The following AP2B1 variants were observed in gnomAD, a reference collection of about 807,000 sequenced individuals.
AP2B1 encodes the protein AP-2 complex subunit beta.
In AP2B1, 23 loss-of-function variants were observed where a neutral mutation model predicts 102.0. That is an observed-to-expected ratio of 0.23 (90% CI 0.16 to 0.32). AP2B1 has a LOEUF of 0.32. Ranked by LOEUF, AP2B1 falls within the 10% of genes least tolerant of loss-of-function variation. AP2B1 has a pLI of 1.00. For missense variants in AP2B1, 541 were observed against 1,157.4 expected (o/e 0.47, Z 7.73); for synonymous variants, 381 against 421.2 (o/e 0.90, Z 1.17).
intron 12 of AP2B1, among the ~76,000 whole-genome samples, chr17:35,648,988 A>T (rs1283825369): frequency 1.3e-5 from 2 of 152,196 alleles, no homozygotes; most frequent in African/African-American, 4.8e-5. Context: ...AAGACCACCA[A>T]ATTCAAGTGT....
At chr17:35,614,690 T>A (rs2073964584) in intron 5 of AP2B1, among the ~76,000 whole-genome samples, 1 of 149,678 alleles carries the variant, frequency 6.7e-6, no homozygotes. Context: ...ATTTCTCATT[T>A]GTTAAGTGTT....
intron 14 of AP2B1, among the ~76,000 whole-genome samples, chr17:35,668,132 T>C (rs749782441): frequency 1.6e-4 from 24 of 151,998 alleles, no homozygotes; most frequent in Non-Finnish European, 2.8e-4. Flanking sequence ...GAGACGGGTT[T>C]CACCATATTG....
intron 21 of AP2B1, among the ~76,000 whole-genome samples, chr17:35,720,949 T>C (rs2085372366): frequency 6.6e-6 from 1 of 152,110 alleles, no homozygotes; most frequent in South Asian, 2.1e-4. Flanking sequence ...AGGTATCTGA[T>C]TTGCCTATCT....
At chr17:35,588,723 G>A (rs1027750973) in intron 1 of AP2B1, 1 of 152,198 alleles carries the variant, frequency 6.6e-6, no homozygotes, top group African/African-American at 2.4e-5. Context: ...ATGACTAAGC[G>A]TGCTGGTAAG....
chr17:35,650,492 G>GT, intron 12 of AP2B1, 38 bp from the exon 13 acceptor site: 2 of 1,603,392 alleles, frequency 1.2e-6, no homozygotes, highest in Non-Finnish European at 1.7e-6. Flanking sequence ...ATGGAGAACA[G>GT]TTTCATCTCC....
intron 9 of AP2B1, among the ~76,000 whole-genome samples, chr17:35,627,939 T>G (rs1259252421): frequency 6.6e-6 from 1 of 152,224 alleles, no homozygotes; most frequent in Non-Finnish European, 1.5e-5. Flanking sequence ...GATTTTGCTT[T>G]TAGTTATTCT....
intron 9 of AP2B1, among the ~76,000 whole-genome samples, chr17:35,633,116 G>A (rs918085341): frequency 8.6e-5 from 13 of 151,942 alleles, no homozygotes; most frequent in Middle Eastern, 6.8e-3. Flanking sequence ...TAATCCCAGC[G>A]CTTTGGGAGG....
intron 5 of AP2B1, among the ~76,000 whole-genome samples, chr17:35,612,388 T>A (rs2073889727): frequency 6.6e-6 from 1 of 152,248 alleles, no homozygotes; most frequent in Non-Finnish European, 1.5e-5. Context: ...TCTTCATTCT[T>A]GTTTTAGTGA....
At chr17:35,635,769 T>A (rs1010824260) in intron 9 of AP2B1, among the ~76,000 whole-genome samples, 2 of 152,166 alleles carry the variant, frequency 1.3e-5, no homozygotes. Context: ...CGATCTCGGC[T>A]CATTGCAGCC....
intron 18 of AP2B1, among the ~76,000 whole-genome samples, chr17:35,702,365 G>A (rs1353513461): frequency 2.0e-5 from 3 of 152,214 alleles, no homozygotes; most frequent in Non-Finnish European, 4.4e-5. Flanking sequence ...TCTGGAGGAA[G>A]AGCATTGTAG....
chr17:35,594,205 T>C, intron 2 of AP2B1, 138 bp downstream of exon 2: 1 of 559,914 alleles, frequency 1.8e-6, no homozygotes, highest in South Asian at 2.6e-5. Context: ...ACTACTTCTA[T>C]AGATGAATGT....
intron 14 of AP2B1, among the ~76,000 whole-genome samples, chr17:35,667,257 G>A (rs1032285270): frequency 2.6e-5 from 4 of 152,186 alleles, no homozygotes; most frequent in Non-Finnish European, 5.9e-5. Context: ...AGTTAAGAGG[G>A]AAGTTGCTGA....
At chr17:35,714,460 TAAAAG>T (rs1555588968) in intron 20 of AP2B1, among the ~76,000 whole-genome samples, 1 of 152,090 alleles carries the variant, frequency 6.6e-6, no homozygotes, top group Non-Finnish European at 1.5e-5. Flanking sequence ...AGTAGAAAGA[TAAAAG>T]AAGGAAGATC....
intron 9 of AP2B1, among the ~76,000 whole-genome samples, chr17:35,630,087 G>A (rs537603687): frequency 1.3e-4 from 20 of 152,304 alleles, no homozygotes; most frequent in African/African-American, 4.8e-4. Flanking sequence ...TACTTTACCG[G>A]AACAAAAGGA....
chr17:35,666,873 T>C (rs2075478142), intron 14 of AP2B1, among the ~76,000 whole-genome samples: 1 of 152,190 alleles, frequency 6.6e-6, no homozygotes, highest in Admixed American at 6.5e-5. Flanking sequence ...CAATGATTCA[T>C]ACCTGTAATC....
At chr17:35,672,659 G>A (rs751897123) in intron 16 of AP2B1, among the ~76,000 whole-genome samples, 44 of 152,252 alleles carry the variant, frequency 2.9e-4, no homozygotes, top group African/African-American at 8.4e-4. Flanking sequence ...TAGCAAAACC[G>A]AAGATATTCA....
chr17:35,675,876 G>A (rs2075690240), intron 17 of AP2B1, among the ~76,000 whole-genome samples: 1 of 151,986 alleles, frequency 6.6e-6, no homozygotes, highest in Non-Finnish European at 1.5e-5. Flanking sequence ...TAACCAATTA[G>A]TGTCAGATTT....
chr17:35,694,255 T>C (rs942510886), intron 18 of AP2B1, among the ~76,000 whole-genome samples: 1 of 152,070 alleles, frequency 6.6e-6, no homozygotes, highest in South Asian at 2.1e-4. Context: ...TTTTGTTTGT[T>C]TTTTTTCAGT....
chr17:35,709,881 CACTT>C (rs1353090834), intron 19 of AP2B1, among the ~76,000 whole-genome samples: 1 of 152,114 alleles, frequency 6.6e-6, no homozygotes, highest in East Asian at 1.9e-4. Flanking sequence ...ACTATGTTGG[CACTT>C]AATTGATTTG....
Sources: gnomAD v4.1 joint callset for allele counts (sites outside exome capture counted in the v4.1 genomes callset) on GRCh38, gnomAD v4.1.1 for gene constraint, MANE v1.5 for transcripts, NCBI Gene and HGNC (gene_info 2026-07-23, HGNC 2026-07-21) for gene names.